The following TXLNB variants were observed in gnomAD, a reference collection of about 807,000 sequenced individuals.
TXLNB encodes beta-taxilin.
TXLNB carries 37 observed loss-of-function variants against 57.4 expected under a neutral mutation model. The observed-to-expected ratio is 0.64, with a 90% CI of 0.50 to 0.85. TXLNB has a LOEUF of 0.85. Ranked by LOEUF, TXLNB falls within the 40% of genes least tolerant of loss-of-function variation. The pLI is 0.00. For missense variants in TXLNB, 848 were observed against 825.6 expected (o/e 1.03, Z -0.33); for synonymous variants, 302 against 309.6 (o/e 0.98, Z 0.26).
intron 2 of TXLNB, among the ~76,000 whole-genome samples, chr6:139,283,911 A>G (rs1777113362): frequency 6.9e-6 from 1 of 145,968 alleles, no homozygotes; most frequent in Non-Finnish European, 1.5e-5. Flanking sequence ...GGGTTGAATG[A>G]CTTATTAAAA....
At chr6:139,263,824 G>A (rs1776547318) in intron 4 of TXLNB, among the ~76,000 whole-genome samples, 2 of 152,010 alleles carry the variant, frequency 1.3e-5, no homozygotes, top group South Asian at 4.1e-4. Flanking sequence ...CTTCGTTGTT[G>A]GCAAGTAAAA....
At chr6:139,279,542 A>G (rs2114605491) in intron 2 of TXLNB, among the ~76,000 whole-genome samples, 1 of 152,308 alleles carries the variant, frequency 6.6e-6, no homozygotes, top group South Asian at 2.1e-4. Flanking sequence ...TAAATTTACA[A>G]CATCACTGAC....
intron 3 of TXLNB, among the ~76,000 whole-genome samples, chr6:139,276,523 G>C (rs145539095): frequency 3.9e-4 from 60 of 152,320 alleles, no homozygotes; most frequent in African/African-American, 1.4e-3. Context: ...CACTGGGATT[G>C]GGTGATATGG....
intron 6 of TXLNB, among the ~76,000 whole-genome samples, chr6:139,257,911 A>G (rs1776387068): frequency 6.6e-6 from 1 of 152,146 alleles, no homozygotes. Context: ...GGTGCAATGA[A>G]GATTGATTCT....
the TXLNB span, chr6:139,197,702 G>A: frequency 6.6e-6 from 1 of 152,208 alleles, no homozygotes; most frequent in Non-Finnish European, 1.5e-5. Context: ...GAATACCTGA[G>A]ACTGGATAAT....
Position 139,253,450 on chromosome 6 carries a change from G to C in TXLNB, c.1077+2114C>G, listed in dbSNP as rs561162412. Among the ~76,000 whole-genome samples, 4 of 152,242 alleles carry C rather than the reference G, an allele frequency of 2.6e-5. No individual in the cohort carries two copies. The South Asian group carries it at 8.3e-4, about 32-fold the overall frequency. On this transcript the variant is annotated intron_variant, in intron 7 of 9. Coordinates refer to ENST00000358430, the MANE Select transcript of TXLNB (RefSeq NM_153235.4). ...CTGAAAAGTCATAGGCCTCTCAGGG[G>C]TTGCACGACTCCAGGCTGGGGTCAT...
chr6:139,168,173 C>T, the TXLNB span, among the ~76,000 whole-genome samples: 26 of 152,306 alleles, frequency 1.7e-4, no homozygotes, highest in African/African-American at 6.0e-4. Context: ...ATACTGCTGT[C>T]TTCATTCTCC....
chr6:139,232,965 G>A, the TXLNB span, among the ~76,000 whole-genome samples: 2 of 152,130 alleles, frequency 1.3e-5, no homozygotes, highest in Non-Finnish European at 2.9e-5. Context: ...AGTACAATGT[G>A]TGGAAAAGCT....
the TXLNB span, among the ~76,000 whole-genome samples, chr6:139,193,997 A>G: frequency 6.7e-6 from 1 of 149,966 alleles, no homozygotes; most frequent in Non-Finnish European, 1.5e-5. Flanking sequence ...GCCCGCCACC[A>G]CGCCCGGCCA....
chr6:139,255,458 C>T (rs1038970327), intron 7 of TXLNB, 106 bp downstream of exon 7: 1 of 822,072 alleles, frequency 1.2e-6, no homozygotes, highest in Non-Finnish European at 2.1e-6. Flanking sequence ...CCCATCCCCC[C>T]ATCCCCTGCC....
chr6:139,201,743 G>A, the TXLNB span: 28 of 152,158 alleles, frequency 1.8e-4, no homozygotes, highest in African/African-American at 5.3e-4. Flanking sequence ...TTACTGGCTC[G>A]TCAGTGCTTG....
chr6:139,295,227 C>T (rs1366610094), upstream of TXLNB, among the ~76,000 whole-genome samples: 1 of 152,062 alleles, frequency 6.6e-6, no homozygotes, highest in Non-Finnish European at 1.5e-5. Flanking sequence ...GAAAATAATA[C>T]AAACATGCAA....
At chr6:139,267,572 TAAAC>T (rs918119646) in intron 4 of TXLNB, among the ~76,000 whole-genome samples, 24 of 152,120 alleles carry the variant, frequency 1.6e-4, no homozygotes, top group Admixed American at 1.1e-3. Context: ...AAGAACAAGA[TAAAC>T]AAAGCAGAGG....
chr6:139,202,449 A>C, the TXLNB span, among the ~76,000 whole-genome samples: 199 of 152,338 alleles, frequency 1.3e-3, 1 homozygote, highest in African/African-American at 4.6e-3. Context: ...GTGTATGTAC[A>C]TATAGCTCTT....
At chr6:139,160,739 G>C in the TXLNB span, among the ~76,000 whole-genome samples, 1 of 152,196 alleles carries the variant, frequency 6.6e-6, no homozygotes, top group African/African-American at 2.4e-5. Flanking sequence ...CTAAACACCT[G>C]TATGGCATGT....
At chr6:139,277,418 T>A (rs1021706590) in intron 2 of TXLNB, among the ~76,000 whole-genome samples, 3 of 152,178 alleles carry the variant, frequency 2.0e-5, no homozygotes, top group African/African-American at 7.2e-5. Context: ...GCCCGTTTTT[T>A]CCCCTGTGTT....
chr6:139,274,872 C>T (rs1776854713), intron 3 of TXLNB, among the ~76,000 whole-genome samples: 1 of 152,012 alleles, frequency 6.6e-6, no homozygotes. Flanking sequence ...TCAGAAAATA[C>T]TAAAAAGAGC....
At chr6:139,187,433 T>G in the TXLNB span, among the ~76,000 whole-genome samples, 5 of 27,488 alleles carry the variant, frequency 1.8e-4, no homozygotes, top group African/African-American at 5.4e-4. Flanking sequence ...ATCTTTTGCT[T>G]TTTTTTCCCC....
chr6:139,322,180 G>A, the TXLNB span, among the ~76,000 whole-genome samples: 2 of 152,094 alleles, frequency 1.3e-5, no homozygotes, highest in Admixed American at 1.3e-4. Flanking sequence ...TCACTGCTGG[G>A]TTGCACTGCT....
Sources: allele counts gnomAD v4.1 joint callset (sites outside exome capture counted in the v4.1 genomes callset), GRCh38; gene constraint gnomAD v4.1.1; transcripts MANE v1.5; gene names NCBI Gene and HGNC (gene_info 2026-07-23, HGNC 2026-07-21).